NRXN1: variants seen among roughly 807,000 people sequenced by gnomAD.
NRXN1 encodes neurexin 1.
Under a neutral mutation model 150.9 loss-of-function variants are expected in NRXN1, and 39 were observed. The observed-to-expected ratio is 0.26, with a 90% CI of 0.20 to 0.34. The LOEUF (loss-of-function observed/expected upper bound fraction) is 0.34. Ranked by LOEUF, NRXN1 falls within the 10% of genes least tolerant of loss-of-function variation. The pLI is 1.00. For missense variants in NRXN1, 1,815 were observed against 1,949.9 expected (o/e 0.93, Z 1.30); for synonymous variants, 924 against 757.0 (o/e 1.22, Z -3.62).
At chr2:50,919,472 G>A (rs1685683222) in intron 5 of NRXN1, 1 of 151,400 alleles carries the variant, frequency 6.6e-6, no homozygotes, top group Non-Finnish European at 1.5e-5. Flanking sequence ...TAATGAAGAT[G>A]TTCTTGAATT....
chr2:50,869,547 T>A (rs990243365), intron 5 of NRXN1, among the ~76,000 whole-genome samples: 3 of 151,680 alleles, frequency 2.0e-5, no homozygotes, highest in African/African-American at 7.3e-5. Context: ...AAGATACAAG[T>A]TAAATCAAAT....
At chr2:50,514,246 A>T (rs970008633) in intron 12 of NRXN1, among the ~76,000 whole-genome samples, 2 of 152,182 alleles carry the variant, frequency 1.3e-5, no homozygotes, top group African/African-American at 4.8e-5. Flanking sequence ...ATCACCTTAT[A>T]TGTATAAATT....
In NRXN1 at chr2:50,145,436, C is replaced by A. The variant is rs551169391; in HGVS notation, c.3547-53942G>T. Among the ~76,000 whole-genome samples the A allele has an allele frequency of 4.6e-5, 7 of 151,700 alleles. No individual in the cohort carries two copies. The South Asian group carries it at 1.5e-3, about 32-fold the overall frequency. On this transcript the variant is annotated intron_variant, in intron 18 of 22. Coordinates refer to ENST00000401669, the MANE Select transcript of NRXN1 (RefSeq NM_001330078.2). The stretch of plus-strand genomic sequence containing the variant: ...CTTACATAATCATAATGTTACCAAC[C>A]AAATAATCTAATCTAAAAAGTAGAT...
At chr2:50,340,868 G>A (rs1367949291) in intron 17 of NRXN1, among the ~76,000 whole-genome samples, 1 of 152,158 alleles carries the variant, frequency 6.6e-6, no homozygotes, top group Non-Finnish European at 1.5e-5. Flanking sequence ...TAGCATAAAT[G>A]AGTCATCGAG....
chr2:50,892,789 A>C (rs1574847487), intron 5 of NRXN1, among the ~76,000 whole-genome samples: 1 of 152,170 alleles, frequency 6.6e-6, no homozygotes, highest in Non-Finnish European at 1.5e-5. Context: ...TATATATTGG[A>C]GCAGCCATTA....
chr2:50,594,105 T>G (rs1242161179), intron 8 of NRXN1, among the ~76,000 whole-genome samples: 1 of 152,150 alleles, frequency 6.6e-6, no homozygotes, highest in East Asian at 1.9e-4. Flanking sequence ...TCCTGAAGTC[T>G]CTCCAGCCAT....
intron 18 of NRXN1, among the ~76,000 whole-genome samples, chr2:50,146,761 T>C (rs998157953): frequency 6.6e-6 from 1 of 151,670 alleles, no homozygotes; most frequent in Non-Finnish European, 1.5e-5. Context: ...TAATCTTCTT[T>C]TGTTAATGAA....
In NRXN1 at chr2:50,450,235, C is replaced by T. The variant is rs1025198861; in HGVS notation, c.3364+15207G>A. 5.9e-5 allele frequency among the ~76,000 whole-genome samples: 9 copies of T among 152,148 alleles called. No homozygotes were observed. The South Asian group carries it at 1.0e-3, about 18-fold the overall frequency. On this transcript the variant is annotated intron_variant, in intron 17 of 22. Coordinates refer to ENST00000401669, the MANE Select transcript of NRXN1 (RefSeq NM_001330078.2). ...ATTAAGGTCCATCTCACTTCCAACG[C>T]TCATTTCTACTTAGCCAGCACACAA... is the stretch of plus-strand genomic sequence containing the variant.
intron 5 of NRXN1, among the ~76,000 whole-genome samples, chr2:50,704,238 T>C (rs542921803): frequency 1.3e-5 from 2 of 152,190 alleles, no homozygotes; most frequent in South Asian, 4.1e-4. Flanking sequence ...AATCCAAATA[T>C]AGTTTTTTTA....
At chr2:50,965,381 A>G (rs899367602) in intron 2 of NRXN1, among the ~76,000 whole-genome samples, 5 of 151,428 alleles carry the variant, frequency 3.3e-5, no homozygotes, top group African/African-American at 1.2e-4. Context: ...TATCCTGTTG[A>G]CCAAATATTT....
intron 5 of NRXN1, chr2:50,632,868 T>A (rs1179226750): frequency 6.6e-6 from 1 of 151,924 alleles, no homozygotes; most frequent in Non-Finnish European, 1.5e-5. Flanking sequence ...TGTATCAATA[T>A]CTATTTAATA....
chr2:50,165,771 T>G (rs543421118), intron 18 of NRXN1, among the ~76,000 whole-genome samples: 13 of 152,300 alleles, frequency 8.5e-5, no homozygotes, highest in African/African-American at 2.9e-4. Context: ...CTTTTAGAAA[T>G]GATGTCAAAT....
chr2:50,257,418 A>G (rs1251416530), intron 17 of NRXN1, among the ~76,000 whole-genome samples: 2 of 152,118 alleles, frequency 1.3e-5, no homozygotes, highest in African/African-American at 4.8e-5. Flanking sequence ...CAAGCCCCTC[A>G]GCTTGAATAG....
rs112448128 is a variant in NRXN1, at chr2:50,485,904, G to A, written c.3070+10001C>T. Among the ~76,000 whole-genome samples the A allele has an allele frequency of 2.2e-4, 33 of 152,340 alleles. 1 individual carries two copies. Among genetic ancestry groups the A allele is most frequent in the African/African-American group, 6.3e-4 (26 of 41,582 alleles). On this transcript the variant is annotated intron_variant, in intron 15 of 22. Transcript: ENST00000401669. ...ATAATTGCAGGAAAAGGCAGTAGCC[G>A]AACTTGCCCTTTGCCCTACTGCCAG...
chr2:50,391,071 T>C (rs1019550267), intron 17 of NRXN1, among the ~76,000 whole-genome samples: 8 of 152,186 alleles, frequency 5.3e-5, no homozygotes, highest in African/African-American at 1.9e-4. Context: ...ACTTCCAGAA[T>C]AACTTTCAAG....
At chr2:50,350,395 T>C (rs1052678104) in intron 17 of NRXN1, among the ~76,000 whole-genome samples, 5 of 152,140 alleles carry the variant, frequency 3.3e-5, no homozygotes, top group Non-Finnish European at 7.4e-5. Flanking sequence ...AAAAACGTGG[T>C]GCTAAAAAGA....
intron 17 of NRXN1, among the ~76,000 whole-genome samples, chr2:50,384,627 T>C (rs913679649): frequency 6.6e-6 from 1 of 151,990 alleles, no homozygotes; most frequent in Non-Finnish European, 1.5e-5. Flanking sequence ...TAGGTAGTAC[T>C]CTTTCCCATG....
intron 5 of NRXN1, among the ~76,000 whole-genome samples, chr2:50,890,351 A>G (rs933784177): frequency 6.6e-6 from 1 of 151,820 alleles, no homozygotes; most frequent in African/African-American, 2.4e-5. Flanking sequence ...TTTAAAAATC[A>G]ACCACTCAGT....
intron 17 of NRXN1, among the ~76,000 whole-genome samples, chr2:50,389,545 T>C (rs1263276889): frequency 6.6e-6 from 1 of 152,062 alleles, no homozygotes; most frequent in African/African-American, 2.4e-5. Context: ...ACTGATTCTT[T>C]GTCTTTTCTC....
Sources: gnomAD v4.1 joint callset for allele counts (sites outside exome capture counted in the v4.1 genomes callset) on GRCh38, gnomAD v4.1.1 for gene constraint, MANE v1.5 for transcripts, NCBI Gene and HGNC (gene_info 2026-07-23, HGNC 2026-07-21) for gene names.